SGCD: variants seen among roughly 807,000 people sequenced by gnomAD.
SGCD encodes the protein sarcoglycan delta, also known as delta-sarcoglycan.
A neutral mutation model predicts 36.6 loss-of-function variants in SGCD; 18 were observed. The observed-to-expected ratio is 0.49, with a 90% CI of 0.34 to 0.73. SGCD has a LOEUF of 0.73. SGCD is among the 30% of genes least tolerant of loss of function. The pLI is 0.01. For missense variants in SGCD, 387 were observed against 346.7 expected, an observed-to-expected ratio of 1.12 and a Z score of -0.92; for synonymous variants, 133 against 130.6, an observed-to-expected ratio of 1.02 and a Z score of -0.12.
intron 2 of SGCD, among the ~76,000 whole-genome samples, chr5:156,335,409 A>T (rs965050470): frequency 2.0e-5 from 3 of 152,190 alleles, no homozygotes; most frequent in Non-Finnish European, 4.4e-5. Context: ...ATTTGGACCT[A>T]TGTGAAACAT....
At chr5:156,094,851 A>T (rs1761337353) in intron 1 of SGCD, among the ~76,000 whole-genome samples, 3 of 152,246 alleles carry the variant, frequency 2.0e-5, no homozygotes, top group South Asian at 2.1e-4. Flanking sequence ...AAATACAAAA[A>T]TTAGCTGGGC....
At chr5:155,946,171 A>G (rs1757433218) in intron 1 of SGCD, among the ~76,000 whole-genome samples, 1 of 152,176 alleles carries the variant, frequency 6.6e-6, no homozygotes, top group Admixed American at 6.5e-5. Flanking sequence ...AAGAGAACTC[A>G]TGATTCCTCT....
chr5:156,749,187 G>C (rs552844696), intron 7 of SGCD, among the ~76,000 whole-genome samples: 1 of 152,260 alleles, frequency 6.6e-6, no homozygotes, highest in South Asian at 2.1e-4. Context: ...TAAATCTTAT[G>C]TATTTCTAAA....
At chr5:156,638,004 G>A (rs1365709120) in intron 6 of SGCD, among the ~76,000 whole-genome samples, 3 of 151,724 alleles carry the variant, frequency 2.0e-5, no homozygotes, top group Non-Finnish European at 2.9e-5. Flanking sequence ...GTGTTTCTCT[G>A]TGGTCCTCAA....
chr5:155,783,059 A>G, the SGCD span, among the ~76,000 whole-genome samples: 1 of 152,168 alleles, frequency 6.6e-6, no homozygotes, highest in Admixed American at 6.5e-5. Flanking sequence ...GGAGAGGGAG[A>G]GCTTGTTACC....
At chr5:156,227,912 A>G (rs1169780293) in intron 3 of SGCD, among the ~76,000 whole-genome samples, 3 of 152,150 alleles carry the variant, frequency 2.0e-5, no homozygotes, top group Admixed American at 2.0e-4. Flanking sequence ...ATGCTCATTC[A>G]GGAGCAGGTT....
the SGCD span, among the ~76,000 whole-genome samples, chr5:155,829,338 G>C: frequency 6.6e-6 from 1 of 152,184 alleles, no homozygotes; most frequent in Non-Finnish European, 1.5e-5. Flanking sequence ...GAGTTGTTTT[G>C]AAAACTCGTG....
At chr5:156,581,888 G>A (rs774523783) in intron 4 of SGCD, among the ~76,000 whole-genome samples, 45 of 152,234 alleles carry the variant, frequency 3.0e-4, no homozygotes, top group Non-Finnish European at 5.7e-4. Flanking sequence ...CTGGTGAGGC[G>A]ATGCCCTGCC....
chr5:156,056,675 A>G (rs968707999), intron 1 of SGCD, among the ~76,000 whole-genome samples: 2 of 140,816 alleles, frequency 1.4e-5, no homozygotes, highest in African/African-American at 5.1e-5. Context: ...ACAGTCTCCA[A>G]ATTTTCAGAG....
At chr5:156,313,153 T>G (rs931055453) in intron 3 of SGCD, among the ~76,000 whole-genome samples, 1 of 152,076 alleles carries the variant, frequency 6.6e-6, no homozygotes, top group Non-Finnish European at 1.5e-5. Context: ...TCCTTGAGAA[T>G]TTGTTGACTG....
chr5:156,048,663 G>T (rs1581062556), intron 1 of SGCD, among the ~76,000 whole-genome samples: 2 of 152,224 alleles, frequency 1.3e-5, no homozygotes, highest in South Asian at 4.1e-4. Flanking sequence ...CCCACTTTTT[G>T]ATGGGGTTGT....
intron 4 of SGCD, among the ~76,000 whole-genome samples, chr5:156,527,210 A>G (rs1259606684): frequency 6.6e-6 from 1 of 152,102 alleles, no homozygotes; most frequent in Non-Finnish European, 1.5e-5. Flanking sequence ...ACATTTCCAC[A>G]AAGGTTTGGA....
chr5:156,719,970 A>C (rs1221762611), intron 7 of SGCD, among the ~76,000 whole-genome samples: 1 of 152,108 alleles, frequency 6.6e-6, no homozygotes, highest in East Asian at 1.9e-4. Context: ...CCAGAGAGAA[A>C]CACTCTCTAA....
chr5:156,643,196 C>A (rs1763104016), intron 6 of SGCD, among the ~76,000 whole-genome samples: 1 of 152,176 alleles, frequency 6.6e-6, no homozygotes. Context: ...CCACGCCCGG[C>A]TAATTTTGTA....
chr5:155,984,299 A>G (rs369405384), intron 1 of SGCD, among the ~76,000 whole-genome samples: 2 of 152,276 alleles, frequency 1.3e-5, no homozygotes, highest in African/African-American at 2.4e-5. Flanking sequence ...ATCACTTTCT[A>G]TGCATCTGTC....
intron 2 of SGCD, among the ~76,000 whole-genome samples, chr5:156,340,074 T>C (rs1488488323): frequency 6.6e-6 from 1 of 152,238 alleles, no homozygotes; most frequent in African/African-American, 2.4e-5. Flanking sequence ...TTACACATGG[T>C]ATACATAACC....
intron 1 of SGCD, among the ~76,000 whole-genome samples, chr5:155,879,180 A>G (rs940784784): frequency 2.4e-4 from 36 of 152,272 alleles, no homozygotes; most frequent in Admixed American, 1.6e-3. Flanking sequence ...GCCAAAACCT[A>G]TGAACTTTTC....
At chr5:155,810,886 C>T in the SGCD span, among the ~76,000 whole-genome samples, 7 of 114,780 alleles carry the variant, frequency 6.1e-5, no homozygotes, top group Non-Finnish European at 1.2e-4. Flanking sequence ...GGCGGGATCT[C>T]GGCTCACTGC....
intron 3 of SGCD, among the ~76,000 whole-genome samples, chr5:156,396,016 T>C (rs1219167216): frequency 6.6e-6 from 1 of 152,238 alleles, no homozygotes; most frequent in Non-Finnish European, 1.5e-5. Flanking sequence ...ACCTTGAATA[T>C]GTTCATGTTT....
Sources: allele counts gnomAD v4.1 joint callset (sites outside exome capture counted in the v4.1 genomes callset), GRCh38; gene constraint gnomAD v4.1.1; transcripts MANE v1.5; gene names NCBI Gene and HGNC (gene_info 2026-07-23, HGNC 2026-07-21).